TEX264: variants seen among roughly 807,000 people sequenced by gnomAD.
The protein encoded by TEX264 is testis-expressed protein 264.
In TEX264, 13 loss-of-function variants were observed where a neutral mutation model predicts 23.4. That is an observed-to-expected ratio of 0.56 (90% CI 0.36 to 0.88). The LOEUF is 0.88. Among genes scored for constraint, TEX264 ranks in the 40% least tolerant of loss-of-function variants. TEX264 has a pLI of 0.01. For synonymous variants in TEX264, 159 were observed against 170.0 expected, an observed-to-expected ratio of 0.94 and a Z score of 0.50; for missense variants, 340 against 406.8, an observed-to-expected ratio of 0.84 and a Z score of 1.41.
At chr3:51,688,416 T>A (rs1362118217) in intron 3 of TEX264, among the ~76,000 whole-genome samples, 6 of 152,224 alleles carry the variant, frequency 3.9e-5, no homozygotes, top group African/African-American at 1.4e-4. Context: ...AGGTCTCTAG[T>A]GCAGTTTGCT....
rs200798093 is a variant in TEX264, at chr3:51,703,837, G to A, written c.763G>A (p.Gly255Ser). ...PGASSRGWDD[G>S]DTRSEHSYSE... ...GGCGAGCAGCCGTGGCTGGGATGAC[G>A]GTGACACCCGCAGCGAGCACAGCTA... The change falls in exon 5 of 5, where the codon GGT becomes AGT. Residue 255 changes from glycine to serine, a missense_variant. By Grantham distance (56) the Gly-to-Ser change is moderately conservative (BLOSUM62 0). Coordinates refer to ENST00000341333, the MANE Select transcript of TEX264 (RefSeq NM_015926.6). This position sits in a 1 kb window ranked among gnomAD's most constrained non-coding sequence, Gnocchi z 4.8. The A allele has an allele frequency of 1.6e-5, 26 of 1,612,754 alleles. No individual in the cohort carries two copies. The highest frequency in any genetic ancestry group is 2.1e-5 in the Non-Finnish European group (25 of 1,179,268).
intron 3 of TEX264, among the ~76,000 whole-genome samples, chr3:51,690,202 C>G (rs991240414): frequency 3.9e-5 from 6 of 152,190 alleles, no homozygotes; most frequent in Non-Finnish European, 7.3e-5. Flanking sequence ...GGGGCCAAAA[C>G]ACCAGTGCAG....
chr3:51,673,029 T>C (rs1205156189), intron 1 of TEX264, among the ~76,000 whole-genome samples: 1 of 152,210 alleles, frequency 6.6e-6, no homozygotes, highest in African/African-American at 2.4e-5. Flanking sequence ...AAATTTACTT[T>C]GCCTCTTTGT....
At chr3:51,687,350 C>T (rs111866767) in intron 3 of TEX264, among the ~76,000 whole-genome samples, 2,617 of 152,318 alleles carry the variant, frequency 0.017, 43 homozygotes, top group Middle Eastern at 0.065. Flanking sequence ...GCTCTGTTTG[C>T]TGGTCACAGC....
chr3:51,676,930 C>CTG (rs895399359), intron 2 of TEX264, among the ~76,000 whole-genome samples: 75 of 152,326 alleles, frequency 4.9e-4, no homozygotes, highest in African/African-American at 1.7e-3. Flanking sequence ...CAGAAGACAC[C>CTG]TGTGTCCCCA....
chr3:51,693,759 C>T (rs1388053157), intron 3 of TEX264, among the ~76,000 whole-genome samples: 2 of 152,114 alleles, frequency 1.3e-5, no homozygotes, highest in African/African-American at 2.4e-5. Flanking sequence ...GGATGACAGG[C>T]GTGAGCCACC....
At chr3:51,701,640 T>C (rs1284568006) in intron 4 of TEX264, among the ~76,000 whole-genome samples, 1 of 151,580 alleles carries the variant, frequency 6.6e-6, no homozygotes, top group Admixed American at 6.6e-5. Context: ...TTTTTTTGTT[T>C]GTTTGTTTTT....
chr3:51,672,730 C>A (rs185567649), intron 1 of TEX264, among the ~76,000 whole-genome samples: 2 of 152,316 alleles, frequency 1.3e-5, no homozygotes, highest in African/African-American at 4.8e-5. Flanking sequence ...ACCTGTGTTA[C>A]CTTGGGCAAG....
intron 2 of TEX264, chr3:51,683,206 C>G (rs1048129755): frequency 6.6e-6 from 1 of 152,090 alleles, no homozygotes; most frequent in African/African-American, 2.4e-5. Context: ...GAGCAAAACC[C>G]AGGATTGAGG....
intron 3 of TEX264, among the ~76,000 whole-genome samples, chr3:51,693,415 C>T (rs1702900260): frequency 6.6e-6 from 1 of 152,098 alleles, no homozygotes; most frequent in Non-Finnish European, 1.5e-5. Flanking sequence ...GCCGGTGGCT[C>T]CCAGGCTGGC....
chr3:51,684,741 CA>C, intron 3 of TEX264, 107 bp downstream of exon 3: 4 of 1,080,244 alleles, frequency 3.7e-6, no homozygotes, highest in Non-Finnish European at 2.7e-6. Flanking sequence ...GGGAGAGCAG[CA>C]CCCTGGGGCC....
chr3:51,688,156 G>C (rs1045504571), intron 3 of TEX264, among the ~76,000 whole-genome samples: 2 of 152,220 alleles, frequency 1.3e-5, no homozygotes, highest in Middle Eastern at 3.2e-3. Flanking sequence ...GTGGCCTCTA[G>C]TACAGGAGGA....
Position 51,699,529 on chromosome 3 carries a change from TGGC to T in TEX264, c.607_609del (p.Arg203del), listed in dbSNP as rs766230594. On this transcript the variant is annotated inframe_deletion, in exon 4 of 5. Transcript: ENST00000341333. ...TGAGATGAAGGAGACAGAGTGGAAA[TGGC>T]GGGGGCTTGTGGAGGCCATTGACAC... The T allele has an allele frequency of 6.2e-7, 1 of 1,613,960 alleles. No individual in the cohort carries two copies. Among genetic ancestry groups the T allele is most frequent in the Admixed American group, 1.7e-5 (1 of 60,010 alleles).
chr3:51,684,575 A>G lies in TEX264; in HGVS notation c.421A>G (p.Ile141Val). ...GACAGCCACCTTCCCCTACACCACC[A>G]TTCTGTCCATCTGGCTGGCTACCCG... The part of the protein sequence containing the change: ...VVTATFPYTT[I>V]LSIWLATRRV... The change falls in exon 3 of 5, where the codon ATT becomes GTT. Residue 141 changes from isoleucine (I) to valine (V), a missense_variant. Coordinates refer to ENST00000341333, the MANE Select transcript of TEX264 (RefSeq NM_015926.6). The G allele has an allele frequency of 1.9e-6, 3 of 1,614,160 alleles. No homozygotes were observed. The highest frequency in any genetic ancestry group is 2.5e-6 in the Non-Finnish European group (3 of 1,180,014).
At chr3:51,695,190 T>C (rs1466502539) in intron 3 of TEX264, among the ~76,000 whole-genome samples, 1 of 152,226 alleles carries the variant, frequency 6.6e-6, no homozygotes, top group Non-Finnish European at 1.5e-5. Flanking sequence ...GTATCCAGCC[T>C]GGCACAGAAG....
chr3:51,699,839 C>T (rs544546782), intron 4 of TEX264, among the ~76,000 whole-genome samples: 1 of 152,290 alleles, frequency 6.6e-6, no homozygotes, highest in Non-Finnish European at 1.5e-5. Flanking sequence ...GGATTCCCTC[C>T]AGATGCAGCA....
chr3:51,696,129 G>A (rs968410020), intron 3 of TEX264, among the ~76,000 whole-genome samples: 2 of 152,216 alleles, frequency 1.3e-5, no homozygotes, highest in Non-Finnish European at 2.9e-5. Context: ...GTCTGTGTGT[G>A]GGAGTGAGCT....
At chr3:51,688,074 G>A (rs1226778919) in intron 3 of TEX264, among the ~76,000 whole-genome samples, 4 of 152,188 alleles carry the variant, frequency 2.6e-5, no homozygotes, top group Admixed American at 6.5e-5. Flanking sequence ...GAATCCATGC[G>A]TACTGTGTGA....
At position 51,704,199 on chromosome 3, in the gene TEX264, G is replaced by A; in HGVS notation, c.*183G>A. The A allele has an allele frequency of 2.1e-6, 1 of 486,276 alleles. No homozygotes were observed. Among genetic ancestry groups the A allele is most frequent in the Non-Finnish European group, 3.3e-6 (1 of 304,144 alleles). The allele number at this position is 486,276 out of a possible 1,614,324, so 30.1% of individuals were successfully genotyped here. ...TGCCCTTTAGGCTCCCAGGGCCAGA[G>A]GAGCCAGGGACTATTTTCTGCACCA... On this transcript the variant is annotated 3_prime_UTR_variant, in exon 5 of 5. Coordinates refer to ENST00000341333, the MANE Select transcript of TEX264 (RefSeq NM_015926.6).
Sources: allele counts gnomAD v4.1 joint callset (sites outside exome capture counted in the v4.1 genomes callset), GRCh38; gene constraint gnomAD v4.1.1; non-coding constraint Gnocchi (gnomAD v3.1); transcripts MANE v1.5; gene names NCBI Gene and HGNC (gene_info 2026-07-23, HGNC 2026-07-21).